FAAH2: variants seen among roughly 807,000 people sequenced by gnomAD.
FAAH2 encodes the protein fatty acid amide hydrolase 2, also known as fatty-acid amide hydrolase 2.
Under a neutral mutation model 36.9 loss-of-function variants are expected in FAAH2, and 60 were observed. That is an observed-to-expected ratio of 1.63 (90% CI 1.32 to 2.02). The LOEUF is 2.02. Ranked by LOEUF, FAAH2 falls within the 30% of genes most tolerant of loss-of-function variation. FAAH2 has a pLI of 0.00. For missense variants in FAAH2, 689 were observed against 397.5 expected, an observed-to-expected ratio of 1.73 and a Z score of -6.23; for synonymous variants, 214 against 143.8, an observed-to-expected ratio of 1.49 and a Z score of -3.49.
At position 57,448,734 on chromosome X, in the gene FAAH2, C is replaced by G; in HGVS notation, c.1423+16C>G. The G allele has an allele frequency of 8.6e-7, 1 of 1,161,233 alleles. No individual in the cohort carries two copies. The highest frequency in any genetic ancestry group is 1.2e-6 in the Non-Finnish European group (1 of 857,929). On this transcript the variant is annotated intron_variant, in intron 10 of 10. Transcript: ENST00000374900. ...GCTTACACAGGTACCTAATTGTATT[C>G]CTTACATTCTGTAATCTTAAAGAAA...
the FAAH2 span, among the ~76,000 whole-genome samples, chrX:57,152,910 T>TAC: frequency 1.9e-5 from 2 of 105,939 alleles, no homozygotes; most frequent in African/African-American, 7.3e-5. Flanking sequence ...CCACCTTGGC[T>TAC]CCCCCCCCGC....
intron 5 of FAAH2, among the ~76,000 whole-genome samples, chrX:57,346,553 CT>C (rs1187332192): frequency 1.8e-5 from 2 of 111,401 alleles, no homozygotes; most frequent in Non-Finnish European, 3.8e-5. Flanking sequence ...AGATGGTTGC[CT>C]TTTTAGTTTG....
At chrX:57,298,850 C>A (rs1316229327) in intron 2 of FAAH2, among the ~76,000 whole-genome samples, 1 of 104,410 alleles carries the variant, frequency 9.6e-6, no homozygotes, top group African/African-American at 3.5e-5. Flanking sequence ...ACTAGAAAAT[C>A]TAGAAGAAAC....
At chrX:57,213,945 G>T in the FAAH2 span, among the ~76,000 whole-genome samples, 2 of 111,574 alleles carry the variant, frequency 1.8e-5, no homozygotes, top group Non-Finnish European at 3.8e-5. Context: ...TTGCTGTATT[G>T]TTGTCTATAT....
At chrX:57,277,675 C>T in the FAAH2 span, among the ~76,000 whole-genome samples, 15 of 111,869 alleles carry the variant, frequency 1.3e-4, no homozygotes, top group African/African-American at 4.9e-4. Context: ...TAGAAAACCC[C>T]ATTGTCTCAG....
the FAAH2 span, among the ~76,000 whole-genome samples, chrX:57,233,500 C>T: frequency 9.0e-6 from 1 of 111,690 alleles, no homozygotes; most frequent in African/African-American, 3.3e-5. Flanking sequence ...AAAAATAGTA[C>T]ATAGTAATAG....
chrX:57,428,602 A>T (rs1197487043), intron 7 of FAAH2, among the ~76,000 whole-genome samples: 2 of 112,136 alleles, frequency 1.8e-5, no homozygotes, highest in Non-Finnish European at 3.8e-5. Context: ...ACTACAGCCA[A>T]CTGGTCTTCG....
chrX:57,356,781 T>G (rs1309424193), intron 5 of FAAH2, among the ~76,000 whole-genome samples: 3 of 110,939 alleles, frequency 2.7e-5, no homozygotes, highest in Admixed American at 1.9e-4. Flanking sequence ...ATTTTAATTT[T>G]TATTATTTAT....
chrX:57,375,050 C>T (rs2147193455), intron 5 of FAAH2, among the ~76,000 whole-genome samples: 1 of 109,995 alleles, frequency 9.1e-6, no homozygotes, highest in African/African-American at 3.3e-5. Context: ...TTAAATGATC[C>T]CTGCATCCTG....
chrX:57,444,295 A>C (rs928402575), intron 8 of FAAH2, among the ~76,000 whole-genome samples: 17 of 111,979 alleles, frequency 1.5e-4, no homozygotes, highest in Admixed American at 1.3e-3. Flanking sequence ...TACCTAGTCA[A>C]GCCTCAGCAA....
At chrX:57,195,536 T>A in the FAAH2 span, among the ~76,000 whole-genome samples, 1 of 111,975 alleles carries the variant, frequency 8.9e-6, no homozygotes, top group African/African-American at 3.2e-5. Context: ...TTGCAAATAT[T>A]TTCTTTCATT....
the FAAH2 span, among the ~76,000 whole-genome samples, chrX:57,125,516 A>C: frequency 3.6e-5 from 4 of 111,677 alleles, no homozygotes; most frequent in Non-Finnish European, 7.5e-5. Flanking sequence ...TGAGCATCAA[A>C]GTCTTTCAGT....
intron 5 of FAAH2, among the ~76,000 whole-genome samples, chrX:57,352,037 C>CATATATATATATATATATATATATACAT (rs370263078): frequency 3.0e-5 from 1 of 33,253 alleles, no homozygotes; most frequent in Non-Finnish European, 4.4e-5. Flanking sequence ...TATATATATA[C>CATATATATATATATATATATATATACAT]ATATATATAT....
the FAAH2 span, among the ~76,000 whole-genome samples, chrX:57,271,041 G>A: frequency 1.8e-5 from 2 of 112,418 alleles, no homozygotes; most frequent in South Asian, 7.4e-4. Flanking sequence ...GGCTTGGTGA[G>A]TCCCATCCAC....
intron 8 of FAAH2, among the ~76,000 whole-genome samples, chrX:57,440,805 G>T (rs999349554): frequency 1.8e-5 from 2 of 111,550 alleles, no homozygotes; most frequent in African/African-American, 6.5e-5. Flanking sequence ...AGGGTTTTTA[G>T]CATGAAGGGC....
intron 2 of FAAH2, among the ~76,000 whole-genome samples, chrX:57,296,104 G>T (rs908604643): frequency 1.8e-5 from 2 of 112,197 alleles, no homozygotes; most frequent in African/African-American, 6.5e-5. Flanking sequence ...GAAGAGAGTA[G>T]TGGTTCTCCC....
At chrX:57,156,115 G>A in the FAAH2 span, among the ~76,000 whole-genome samples, 3 of 111,855 alleles carry the variant, frequency 2.7e-5, no homozygotes, top group Non-Finnish European at 3.8e-5. Flanking sequence ...GACATATCAC[G>A]TCTTTGAGCT....
chrX:57,126,609 A>G, the FAAH2 span, among the ~76,000 whole-genome samples: 1 of 112,069 alleles, frequency 8.9e-6, no homozygotes, highest in Non-Finnish European at 1.9e-5. Flanking sequence ...GAGCCAGGCT[A>G]TGCAAAAAGA....
the FAAH2 span, among the ~76,000 whole-genome samples, chrX:57,233,044 TAA>T: frequency 1.8e-5 from 2 of 112,453 alleles, no homozygotes; most frequent in Non-Finnish European, 3.8e-5. Context: ...GGCAGATTTG[TAA>T]AGAGATTCCT....
Sources: allele counts gnomAD v4.1 joint callset (sites outside exome capture counted in the v4.1 genomes callset), GRCh38; gene constraint gnomAD v4.1.1; transcripts MANE v1.5; gene names NCBI Gene and HGNC (gene_info 2026-07-23, HGNC 2026-07-21).